CYSLTR1: variants seen among roughly 807,000 people sequenced by gnomAD.
The protein encoded by CYSLTR1 is G-protein coupled receptor HG55.
A neutral mutation model predicts 2.1 loss-of-function variants in CYSLTR1; 1 was observed. That is an observed-to-expected ratio of 0.48 (90% CI 0.17 to 2.28). The LOEUF is 2.28. Ranked by LOEUF, CYSLTR1 falls within the 30% of genes most tolerant of loss-of-function variation. The probability of loss-of-function intolerance (pLI) is 0.26; values close to 1 mark genes in which losing one functional copy is unlikely to be tolerated. For synonymous variants in CYSLTR1, 110 were observed against 89.6 expected, an observed-to-expected ratio of 1.23 and a Z score of -1.28; for missense variants, 299 against 250.1, an observed-to-expected ratio of 1.20 and a Z score of -1.32.
At chrX:78,277,610 C>T (rs941973189) in intron 2 of CYSLTR1, among the ~76,000 whole-genome samples, 4 of 111,345 alleles carry the variant, frequency 3.6e-5, no homozygotes. Flanking sequence ...AAATTGTGGG[C>T]CTGGTCCCAG....
At chrX:78,317,184 G>A (rs915044001) in intron 1 of CYSLTR1, among the ~76,000 whole-genome samples, 3 of 112,185 alleles carry the variant, frequency 2.7e-5, no homozygotes, top group Non-Finnish European at 5.6e-5. Context: ...GACATGTATA[G>A]ACAATTCTCA....
chrX:78,288,615 C>T (rs1922173440), intron 1 of CYSLTR1, among the ~76,000 whole-genome samples: 1 of 111,236 alleles, frequency 9.0e-6, no homozygotes, highest in Non-Finnish European at 1.9e-5. Context: ...TTATAGGGTA[C>T]ATGAAATGTT....
intron 1 of CYSLTR1, among the ~76,000 whole-genome samples, chrX:78,323,101 C>G (rs1389297559): frequency 1.8e-5 from 2 of 112,009 alleles, no homozygotes; most frequent in Non-Finnish European, 3.8e-5. Context: ...GTGTGGGTGA[C>G]AGTGTATAGT....
chrX:78,296,841 G>A (rs1239240213), intron 1 of CYSLTR1, among the ~76,000 whole-genome samples: 2 of 111,545 alleles, frequency 1.8e-5, no homozygotes, highest in Non-Finnish European at 3.8e-5. Context: ...TGCAAACAAG[G>A]ATAAGTTGAC....
At position 78,279,947 on chromosome X, in the gene CYSLTR1, G is replaced by C. The variant is rs1195703835; in HGVS notation, c.-28+3507C>G. On this transcript the variant is annotated intron_variant, in intron 2 of 2. Coordinates refer to ENST00000373304, the MANE Select transcript of CYSLTR1 (RefSeq NM_006639.4). The stretch of plus-strand genomic sequence containing the variant: ...ACAGTATACATTGGAGACTACCATA[G>C]GAGGTAGGGTGGAAGGGAGAGGATT... 3.6e-5 allele frequency among the ~76,000 whole-genome samples: 4 copies of C among 111,263 alleles called. No individual in the cohort carries two copies. The Admixed American group carries it at 3.8e-4, about 11-fold the overall frequency.
At chrX:78,292,181 T>G (rs899874076) in intron 1 of CYSLTR1, among the ~76,000 whole-genome samples, 13 of 112,232 alleles carry the variant, frequency 1.2e-4, no homozygotes, top group African/African-American at 4.2e-4. Context: ...TTTGTTTTCA[T>G]TGGTTTCAAA....
intron 1 of CYSLTR1, among the ~76,000 whole-genome samples, chrX:78,284,352 CAAAAT>C (rs1389994708): frequency 9.0e-6 from 1 of 111,484 alleles, no homozygotes; most frequent in Non-Finnish European, 1.9e-5. Flanking sequence ...CAAGCGCTAA[CAAAAT>C]AAACACTTTC....
intron 1 of CYSLTR1, among the ~76,000 whole-genome samples, chrX:78,307,974 A>T (rs1256561727): frequency 9.0e-6 from 1 of 110,951 alleles, no homozygotes; most frequent in Non-Finnish European, 1.9e-5. Flanking sequence ...ATGCCAAAGT[A>T]TAGCAAAATC....
intron 1 of CYSLTR1, among the ~76,000 whole-genome samples, chrX:78,297,081 T>C (rs993684620): frequency 7.2e-5 from 8 of 111,620 alleles, no homozygotes; most frequent in African/African-American, 2.3e-4. Flanking sequence ...ACTTAGTTTT[T>C]TGAGAGTTTT....
chrX:78,322,059 G>A (rs1207702803), intron 1 of CYSLTR1, among the ~76,000 whole-genome samples: 2 of 111,315 alleles, frequency 1.8e-5, no homozygotes, highest in African/African-American at 3.3e-5. Context: ...TCCTAAAACC[G>A]ATACTTCCTC....
At chrX:78,297,056 G>C (rs762573717) in intron 1 of CYSLTR1, among the ~76,000 whole-genome samples, 1 of 111,398 alleles carries the variant, frequency 9.0e-6, no homozygotes, top group South Asian at 3.7e-4. Context: ...ATTACTTGAG[G>C]CATGTTTCTT....
At chrX:78,283,091 C>T (rs1254310869) in intron 2 of CYSLTR1, among the ~76,000 whole-genome samples, 4 of 111,990 alleles carry the variant, frequency 3.6e-5, no homozygotes. Flanking sequence ...CAGATTATGG[C>T]TTTACTTGTA....
chrX:78,278,996 GT>G (rs1387897450), intron 2 of CYSLTR1, among the ~76,000 whole-genome samples: 10 of 111,918 alleles, frequency 8.9e-5, no homozygotes, highest in Non-Finnish European at 1.3e-4. Context: ...AGACCTAAAA[GT>G]AAAGAAAGCC....
chrX:78,293,706 C>G (rs1391435297), intron 1 of CYSLTR1, among the ~76,000 whole-genome samples: 1 of 111,447 alleles, frequency 9.0e-6, no homozygotes, highest in Non-Finnish European at 1.9e-5. Context: ...CTAAACTTCT[C>G]TTCTTGCTTC....
chrX:78,295,296 G>T (rs1922529451), intron 1 of CYSLTR1, among the ~76,000 whole-genome samples: 1 of 109,041 alleles, frequency 9.2e-6, no homozygotes. Context: ...CCTTTAGGTT[G>T]TTCCCAGATA....
At chrX:78,321,460 G>A (rs1189329969) in intron 1 of CYSLTR1, 1 of 110,593 alleles carries the variant, frequency 9.0e-6, no homozygotes, top group Non-Finnish European at 1.9e-5. Context: ...GGAGACCAAG[G>A]TGAGTGAATC....
intron 2 of CYSLTR1, among the ~76,000 whole-genome samples, chrX:78,276,390 T>G (rs1305280567): frequency 9.0e-6 from 1 of 111,401 alleles, no homozygotes; most frequent in Non-Finnish European, 1.9e-5. Flanking sequence ...CAACTCCTGC[T>G]CCCTTGTAAG....
At chrX:78,282,858 T>G (rs1427235463) in intron 2 of CYSLTR1, among the ~76,000 whole-genome samples, 1 of 112,537 alleles carries the variant, frequency 8.9e-6, no homozygotes, top group Non-Finnish European at 1.9e-5. Flanking sequence ...TAAATAACTA[T>G]AAAAATATAC....
rs1923901885 is a variant in CYSLTR1 at position 78,327,519 on chromosome X, T to A, written c.-329A>T. 8.9e-6 allele frequency: 1 copy of A among 112,040 alleles called. No individual in the cohort carries two copies. Among genetic ancestry groups the A allele is most frequent in the African/African-American group, 3.2e-5 (1 of 30,800 alleles). The allele number at this position is 112,040 out of a possible 1,213,427, so 9.2% of individuals were successfully genotyped here. A position where few individuals can be genotyped will look rare whatever the true frequency, so the allele number is the denominator to read the frequency against. On this transcript the variant is annotated 5_prime_UTR_variant, in exon 1 of 3. Coordinates refer to ENST00000373304, the MANE Select transcript of CYSLTR1 (RefSeq NM_006639.4). The stretch of plus-strand genomic sequence containing the variant: ...CTTCTTTGCAAAGATGGGTTGCTGC[T>A]ATTTTTAAGAGGGGAGAGAGCAGGG...
Sources: gnomAD v4.1 joint callset for allele counts (sites outside exome capture counted in the v4.1 genomes callset) on GRCh38, gnomAD v4.1.1 for gene constraint, MANE v1.5 for transcripts, NCBI Gene and HGNC (gene_info 2026-07-23, HGNC 2026-07-21) for gene names.